The following STK3 variants were observed in gnomAD, a reference collection of about 807,000 sequenced individuals.
STK3 encodes the protein serine/threonine kinase 3, also known as serine/threonine-protein kinase 3.
In STK3, 41 loss-of-function variants were observed where a neutral mutation model predicts 58.0. The ratio of observed to expected loss-of-function variants is 0.71; its 90% CI spans 0.55 to 0.92. The LOEUF (loss-of-function observed/expected upper bound fraction) is 0.92. STK3 is among the 40% of genes least tolerant of loss of function. STK3 has a pLI of 0.00. For synonymous variants in STK3, 170 were observed against 191.0 expected, an observed-to-expected ratio of 0.89 and a Z score of 0.91; for missense variants, 479 against 602.7, an observed-to-expected ratio of 0.79 and a Z score of 2.15.
chr8:98,512,924 C>T (rs1489984426), intron 10 of STK3, among the ~76,000 whole-genome samples: 1 of 152,100 alleles, frequency 6.6e-6, no homozygotes, highest in African/African-American at 2.4e-5. Context: ...TCCTCCAGAG[C>T]AGCAATTTGC....
At chr8:98,563,947 A>G (rs1812265515) in intron 8 of STK3, among the ~76,000 whole-genome samples, 1 of 152,070 alleles carries the variant, frequency 6.6e-6, no homozygotes, top group Non-Finnish European at 1.5e-5. Flanking sequence ...ATAACCCCCC[A>G]CTTCTTAAAT....
chr8:98,626,228 A>G (rs1400994998), intron 6 of STK3, among the ~76,000 whole-genome samples: 1 of 152,242 alleles, frequency 6.6e-6, no homozygotes, highest in Admixed American at 6.5e-5. Context: ...ATCACATGAA[A>G]AAGTGACTAT....
In STK3 at chr8:98,707,325, T is replaced by C; in HGVS notation, c.352-14A>G. ...ATCTTCTATTAACTGGAAAGAAATA[T>C]TTTTAAAACCATAATTAAAATGCCA... On this transcript the variant is annotated splice_polypyrimidine_tract_variant and intron_variant, in intron 4 of 10. Coordinates refer to ENST00000419617, the MANE Select transcript of STK3 (RefSeq NM_006281.4). 1 of 1,492,374 alleles carries C rather than the reference T, an allele frequency of 6.7e-7. No homozygotes were observed. The highest frequency in any genetic ancestry group is 9.0e-7 in the Non-Finnish European group (1 of 1,111,668). The allele number at this position is 1,492,374 out of a possible 1,614,324, so 92.4% of individuals were successfully genotyped here. A position where few individuals can be genotyped will look rare whatever the true frequency, so the allele number is the denominator to read the frequency against.
At chr8:98,420,151 T>C in intron 3 of STK3, among the ~76,000 whole-genome samples, 1 of 152,192 alleles carries the variant, frequency 6.6e-6, no homozygotes, top group Non-Finnish European at 1.5e-5. Flanking sequence ...AATTAATAAA[T>C]GTTAAATTGT....
chr8:98,475,121 T>C lies in STK3; in HGVS notation c.1318-19121A>G, dbSNP rs540943652. Among the ~76,000 whole-genome samples, 3 of 152,262 alleles carry C rather than the reference T, an allele frequency of 2.0e-5. No homozygotes were observed. The South Asian group carries it at 6.2e-4, about 32-fold the overall frequency. On this transcript the variant is annotated intron_variant, in intron 10 of 10. Coordinates refer to ENST00000419617, the MANE Select transcript of STK3 (RefSeq NM_006281.4). Reference sequence around the variant, plus strand: ...TGAAGTTTCCTGAAATCTGAGCTCATCTGTATACCCATATCCAATGACTTG... The same window carrying C: ...TGAAGTTTCCTGAAATCTGAGCTCACCTGTATACCCATATCCAATGACTTG...
intron 10 of STK3, among the ~76,000 whole-genome samples, chr8:98,465,566 T>C (rs1426928012): frequency 6.6e-6 from 1 of 152,178 alleles, no homozygotes; most frequent in Non-Finnish European, 1.5e-5. Context: ...ACCAGCTCTT[T>C]AGCCAAAGAA....
intron 6 of STK3, among the ~76,000 whole-genome samples, chr8:98,694,674 A>G (rs539790985): frequency 6.6e-6 from 1 of 152,324 alleles, no homozygotes; most frequent in South Asian, 2.1e-4. Flanking sequence ...TACAAAGAAC[A>G]TGAACTCATC....
intron 3 of STK3, among the ~76,000 whole-genome samples, chr8:98,842,726 G>A (rs549428763): frequency 6.6e-6 from 1 of 151,954 alleles, no homozygotes; most frequent in East Asian, 1.9e-4. Flanking sequence ...TATTGGCTGG[G>A]CACAGTGGCT....
intron 3 of STK3, chr8:98,413,205 G>A (rs992873347): frequency 3.3e-6 from 1 of 301,588 alleles, no homozygotes; most frequent in African/African-American, 2.2e-5. Context: ...GGTAGAGATG[G>A]GGTTTCACCA....
chr8:98,442,050 A>T (rs1308604063), intron 1 of STK3, among the ~76,000 whole-genome samples: 1 of 152,162 alleles, frequency 6.6e-6, no homozygotes, highest in Non-Finnish European at 1.5e-5. Context: ...AAACGGCATC[A>T]CTGCTTTGGG....
the STK3 span, among the ~76,000 whole-genome samples, chr8:98,363,705 G>C: frequency 0.011 from 1,650 of 152,318 alleles, 28 homozygotes; most frequent in African/African-American, 0.037. Flanking sequence ...AGGCCCCAAG[G>C]GGGGCTGAGT....
At chr8:98,435,471 T>A (rs1364139623) in intron 2 of STK3, among the ~76,000 whole-genome samples, 1 of 152,078 alleles carries the variant, frequency 6.6e-6, no homozygotes, top group East Asian at 1.9e-4. Flanking sequence ...ATGAATGTTG[T>A]CAGAATATGA....
chr8:98,879,961 CAAAAAT>C (rs1837735053), downstream of STK3: 1 of 152,052 alleles, frequency 6.6e-6, no homozygotes, highest in Admixed American at 6.6e-5. Flanking sequence ...TTTCCATAGT[CAAAAAT>C]AAATATAAAA....
At chr8:98,584,943 G>T (rs1022525540) in intron 7 of STK3, among the ~76,000 whole-genome samples, 15 of 150,696 alleles carry the variant, frequency 1.0e-4, no homozygotes, top group African/African-American at 3.6e-4. Context: ...TTTTGATGGG[G>T]TTGTTTTTTT....
chr8:98,414,069 G>C (rs1351877758), intron 3 of STK3, among the ~76,000 whole-genome samples: 2 of 152,168 alleles, frequency 1.3e-5, no homozygotes, highest in Non-Finnish European at 2.9e-5. Flanking sequence ...TTCCAGACCA[G>C]CCTGGCCAAC....
intron 6 of STK3, among the ~76,000 whole-genome samples, chr8:98,600,034 C>T (rs1329789782): frequency 6.6e-6 from 1 of 152,084 alleles, no homozygotes; most frequent in African/African-American, 2.4e-5. Flanking sequence ...ATGAAATATA[C>T]AGAAATTTTG....
At chr8:98,528,494 C>CT (rs796904569) in intron 9 of STK3, among the ~76,000 whole-genome samples, 438 of 151,002 alleles carry the variant, frequency 2.9e-3, no homozygotes, top group African/African-American at 9.0e-3. Context: ...TTTTTCTTTT[C>CT]TTTTTTTTTG....
chr8:98,675,213 T>C (rs1823109866), intron 6 of STK3, among the ~76,000 whole-genome samples: 1 of 152,316 alleles, frequency 6.6e-6, no homozygotes, highest in African/African-American at 2.4e-5. Context: ...CCAAGAATGT[T>C]AATAACACTA....
chr8:98,648,723 C>A (rs1056605938), intron 6 of STK3, among the ~76,000 whole-genome samples: 7 of 152,074 alleles, frequency 4.6e-5, no homozygotes, highest in Non-Finnish European at 1.5e-5. Flanking sequence ...GAAACCCCAT[C>A]TCTACTAAAA....
Sources: gnomAD v4.1 joint callset for allele counts (sites outside exome capture counted in the v4.1 genomes callset) on GRCh38, gnomAD v4.1.1 for gene constraint, MANE v1.5 for transcripts, NCBI Gene and HGNC (gene_info 2026-07-23, HGNC 2026-07-21) for gene names.